ABCA4: variants seen among roughly 807,000 people sequenced by gnomAD.
The protein encoded by ABCA4 is retinal-specific phospholipid-transporting ATPase ABCA4.
A neutral mutation model predicts 263.7 loss-of-function variants in ABCA4; 196 were observed. The ratio of observed to expected loss-of-function variants is 0.74; its 90% CI spans 0.66 to 0.84. The LOEUF is 0.84. Ranked by LOEUF, ABCA4 falls within the 40% of genes least tolerant of loss-of-function variation. The pLI, the probability that ABCA4 is intolerant of heterozygous loss-of-function variation, is 0.00. For missense variants in ABCA4, 2,792 were observed against 2,855.1 expected (o/e 0.98, Z 0.50); for synonymous variants, 1,133 against 1,094.2 (o/e 1.04, Z -0.70).
intron 47 of ABCA4, among the ~76,000 whole-genome samples, chr1:94,000,118 T>A (rs973085510): frequency 6.6e-6 from 1 of 152,244 alleles, no homozygotes; most frequent in South Asian, 2.1e-4. Flanking sequence ...GTGCTGTTCC[T>A]CCCACCAACC....
At chr1:94,049,492 C>T (rs530337751) in intron 17 of ABCA4, among the ~76,000 whole-genome samples, 4 of 152,204 alleles carry the variant, frequency 2.6e-5, no homozygotes, top group South Asian at 2.1e-4. Flanking sequence ...GGTGGGGTGG[C>T]GCTCACCTGT....
chr1:94,108,504 T>C (rs1662502473), intron 4 of ABCA4, 73 bp downstream of exon 4: 1 of 1,603,830 alleles, frequency 6.2e-7, no homozygotes. Context: ...CAACTCTCCC[T>C]GTTCTTTCCT....
chr1:94,112,055 A>G (rs1408113929), intron 2 of ABCA4, among the ~76,000 whole-genome samples: 1 of 152,304 alleles, frequency 6.6e-6, no homozygotes, highest in East Asian at 1.9e-4. Flanking sequence ...GCTGATTCAG[A>G]ACTGGGGCCT....
chr1:94,072,895 G>C (rs1373301982), intron 11 of ABCA4, among the ~76,000 whole-genome samples: 1 of 152,138 alleles, frequency 6.6e-6, no homozygotes, highest in Non-Finnish European at 1.5e-5. Flanking sequence ...GGGTGAATGA[G>C]ATTGCAGACC....
intron 29 of ABCA4, 148 bp from the exon 30 acceptor site, chr1:94,029,779 G>A: frequency 1.2e-6 from 1 of 807,770 alleles, no homozygotes. Flanking sequence ...TTCTGCTCAA[G>A]CAATATCAAA....
rs113055350 is a variant in ABCA4 at position 94,078,579 on chromosome 1, A to C, written c.1356+11T>G. 2,091 of 1,124,612 alleles carry C rather than the reference A, an allele frequency of 1.9e-3. 1 individual carries two copies. Among genetic ancestry groups the C allele is most frequent in the South Asian group, 4.5e-3 (365 of 81,032 alleles). The allele number at this position is 1,124,612 out of a possible 1,614,324, so 69.7% of individuals were successfully genotyped here. On this transcript the variant is annotated intron_variant, in intron 10 of 49. Transcript: ENST00000370225. ...CCTCCCCTCCCCTCCCCATCCTCCA[A>C]CCCCCCTTACTCTGATCATGTTCAT... is the stretch of plus-strand genomic sequence containing the variant.
chr1:94,004,629 G>GTGT (rs1174553168), intron 44 of ABCA4, among the ~76,000 whole-genome samples: 3 of 152,128 alleles, frequency 2.0e-5, no homozygotes, highest in Non-Finnish European at 4.4e-5. Flanking sequence ...TTTGCTGTCA[G>GTGT]TGTTAGGTTT....
At chr1:94,045,084 T>C (rs1660638484) in intron 19 of ABCA4, among the ~76,000 whole-genome samples, 1 of 152,192 alleles carries the variant, frequency 6.6e-6, no homozygotes, top group Non-Finnish European at 1.5e-5. Flanking sequence ...TTGGAGAGGA[T>C]CAATAAAAGG....
intron 5 of ABCA4, among the ~76,000 whole-genome samples, chr1:94,102,624 AG>A (rs1425397999): frequency 6.6e-6 from 1 of 152,096 alleles, no homozygotes; most frequent in African/African-American, 2.4e-5. Flanking sequence ...CTGGAATGGA[AG>A]CTCCCTGGCC....
At chr1:94,045,997 C>T (rs1046619766) in intron 19 of ABCA4, 3 of 454,922 alleles carry the variant, frequency 6.6e-6, no homozygotes, top group Admixed American at 2.4e-5. Context: ...CCTTTGCCTT[C>T]CCTGCCCTGA....
At chr1:94,092,123 T>C (rs1173774709) in intron 6 of ABCA4, among the ~76,000 whole-genome samples, 1 of 152,214 alleles carries the variant, frequency 6.6e-6, no homozygotes, top group Non-Finnish European at 1.5e-5. Flanking sequence ...CTGGAAACAG[T>C]ATTAATTTCT....
In ABCA4 at chr1:94,088,826, G is replaced by A. The variant is rs189332620; in HGVS notation, c.769-5385C>T. ...CAACCAGGTCCTAGATAATAGGAAG[G>A]CATCTAAGAGGGGGTAGGAGCCCAG... On this transcript the variant is annotated intron_variant, in intron 6 of 49. Transcript: ENST00000370225. Among the ~76,000 whole-genome samples, 140 of 141,828 alleles carry A rather than the reference G, an allele frequency of 9.9e-4. 1 individual carries two copies. Among genetic ancestry groups the A allele is most frequent in the African/African-American group, 3.3e-3 (134 of 40,606 alleles). The allele number at this position is 141,828 out of a possible 152,430, so 93.0% of individuals were successfully genotyped here.
Position 94,019,616 on chromosome 1 carries a change from G to A in ABCA4, c.5162C>T (p.Thr1721Ile). Residue 1721 changes from threonine (T) to isoleucine (I), a missense_variant, in exon 36 of 50, where the codon ACC becomes ATC. Thr to Ile is a moderately conservative substitution (Grantham distance 89). Transcript: ENST00000370225. ...HLQFISGVSPTTYWVTNFLWD... is the reference protein window; with the variant it reads ...HLQFISGVSPITYWVTNFLWD... Reference sequence around the variant, plus strand: ...GAGGAAGTTGGTCACCCAGTAGGTGGTGGGGCTCACTCCACTGATAAACTG... The same window carrying A: ...GAGGAAGTTGGTCACCCAGTAGGTGATGGGGCTCACTCCACTGATAAACTG... The A allele has an allele frequency of 6.2e-7, 1 of 1,610,816 alleles. No homozygotes were observed. Among genetic ancestry groups the A allele is most frequent in the Non-Finnish European group, 8.5e-7 (1 of 1,178,384 alleles).
chr1:94,111,642 T>C, intron 2 of ABCA4, 63 bp from the exon 3 acceptor site: 1 of 1,602,270 alleles, frequency 6.2e-7, no homozygotes. Flanking sequence ...GATGCAGACC[T>C]AGGAGTTGGC....
intron 38 of ABCA4, among the ~76,000 whole-genome samples, chr1:94,012,669 C>T (rs140528983): frequency 8.6e-4 from 131 of 152,358 alleles, no homozygotes; most frequent in African/African-American, 2.9e-3. Flanking sequence ...CCCCTGCAGC[C>T]TGGCTCTTCC....
Position 94,001,093 on chromosome 1 carries a change from TGGTGGGCTCATCCTGG to T in ABCA4, c.6283-4_6294del. On this transcript the variant is annotated splice_acceptor_variant and splice_polypyrimidine_tract_variant and coding_sequence_variant and intron_variant, in exon 46 of 50. Transcript: ENST00000370225. LOFTEE classifies it high-confidence loss of function. Reference sequence around the variant, plus strand: ...CGGCGTGCCTGGGGGTCCATCCCTGTGGTGGGCTCATCCTGGGGGGTGGAGAGAAGGTTGGGGGCAC... The same window carrying T: ...CGGCGTGCCTGGGGGTCCATCCCTGTGGGGTGGAGAGAAGGTTGGGGGCAC... The T allele has an allele frequency of 6.2e-7, 1 of 1,613,874 alleles. No homozygotes were observed. The highest frequency in any genetic ancestry group is 1.1e-5 in the South Asian group (1 of 91,076).
chr1:94,120,027 G>A (rs1340697643), intron 1 of ABCA4, among the ~76,000 whole-genome samples: 4 of 151,766 alleles, frequency 2.6e-5, no homozygotes, highest in African/African-American at 4.8e-5. Flanking sequence ...TTTAGTCATC[G>A]GCATTTGCAC....
At chr1:94,040,955 G>A (rs775976494) in intron 23 of ABCA4, among the ~76,000 whole-genome samples, 3 of 152,182 alleles carry the variant, frequency 2.0e-5, no homozygotes, top group African/African-American at 7.2e-5. Context: ...GCACCAAACC[G>A]CACCAAACTG....
intron 4 of ABCA4, among the ~76,000 whole-genome samples, chr1:94,105,656 G>A (rs2101149490): frequency 6.6e-6 from 1 of 151,304 alleles, no homozygotes; most frequent in East Asian, 2.0e-4. Context: ...GAGGGTGGGG[G>A]TGGGAGGGAA....
Sources: gnomAD v4.1 joint callset for allele counts (sites outside exome capture counted in the v4.1 genomes callset) on GRCh38, gnomAD v4.1.1 for gene constraint, MANE v1.5 for transcripts, NCBI Gene and HGNC (gene_info 2026-07-23, HGNC 2026-07-21) for gene names.